Variants in YEATS2 observed in about 807,000 individuals in gnomAD.
The protein encoded by YEATS2 is YEATS domain-containing protein 2.
A neutral mutation model predicts 163.2 loss-of-function variants in YEATS2; 77 were observed. The observed-to-expected ratio is 0.47, with a 90% confidence interval of 0.39 to 0.57. YEATS2 has a LOEUF of 0.57. Among genes scored for constraint, YEATS2 ranks in the 20% least tolerant of loss-of-function variants. The pLI is 0.00. For synonymous variants in YEATS2, 631 were observed against 645.1 expected (o/e 0.98, Z 0.33); for missense variants, 1,549 against 1,729.8 (o/e 0.90, Z 1.85).
rs1176974770 is a variant in YEATS2 at position 183,796,148 on chromosome 3, A to ATTTTTTTTTT, written c.3098-1763_3098-1754dup. Among the ~76,000 whole-genome samples the ATTTTTTTTTT allele has an allele frequency of 1.7e-3, 163 of 96,034 alleles. 1 individual carries two copies. The highest frequency in any genetic ancestry group is 3.4e-3 in the African/African-American group (79 of 23,302). 63.0% of individuals were successfully genotyped at this position (96,034 alleles called of 152,430 possible). ...CAGGCACCTGCCACCATGCCCGGCT[A>ATTTTTTTTTT]TTTTTTTTTTTTTTTTTTTTTGTAT... On this transcript the variant is annotated intron_variant, in intron 21 of 30. Transcript: ENST00000305135.
At chr3:183,711,754 GTC>G (rs1475283219) in intron 1 of YEATS2, among the ~76,000 whole-genome samples, 1 of 151,808 alleles carries the variant, frequency 6.6e-6, no homozygotes, top group Non-Finnish European at 1.5e-5. Flanking sequence ...AGTCAAGTGA[GTC>G]TGTTTCTGAG....
intron 19 of YEATS2, among the ~76,000 whole-genome samples, chr3:183,785,464 G>C (rs1400086284): frequency 1.3e-5 from 2 of 150,276 alleles, no homozygotes; most frequent in Admixed American, 1.3e-4. Flanking sequence ...ACTCCAGCCT[G>C]GGCGACAGAG....
chr3:183,719,053 T>A (rs2109045286), intron 4 of YEATS2, among the ~76,000 whole-genome samples: 1 of 152,000 alleles, frequency 6.6e-6, no homozygotes, highest in South Asian at 2.1e-4. Context: ...TTCCTGGGAA[T>A]ATACATAGAC....
At chr3:183,738,190 A>G (rs929579814) in intron 8 of YEATS2, among the ~76,000 whole-genome samples, 2 of 151,098 alleles carry the variant, frequency 1.3e-5, no homozygotes, top group African/African-American at 4.9e-5. Context: ...CTCTGAGAAC[A>G]ACAATATTGA....
At chr3:183,742,331 A>G (rs910132519) in intron 8 of YEATS2, among the ~76,000 whole-genome samples, 1 of 152,270 alleles carries the variant, frequency 6.6e-6, no homozygotes, top group African/African-American at 2.4e-5. Flanking sequence ...GGAAAGGACT[A>G]ACCATTCTAG....
Position 183,803,329 on chromosome 3 carries a change from C to T in YEATS2, c.3576C>T (p.Ala1192=), listed in dbSNP as rs553821746. Residue 1192 remains alanine (A), a synonymous_variant, in exon 26 of 31, where the codon GCC becomes GCT. Transcript: ENST00000305135. ...YYGWNIGKRR[A]AEWQRAMTMR... ...GCTGGAACATTGGAAAAAGGAGAGCCGCTGAGGTAACCCACATCTGCCTGT... is the reference window on the plus strand; with the variant it reads ...GCTGGAACATTGGAAAAAGGAGAGCTGCTGAGGTAACCCACATCTGCCTGT... The T allele has an allele frequency of 3.0e-5, 49 of 1,610,374 alleles. No individual in the cohort carries two copies. The Middle Eastern group carries it at 1.0e-3, about 34-fold the overall frequency.
chr3:183,801,433 A>T, intron 24 of YEATS2, 22 bp from the exon 25 acceptor site: 7 of 1,580,522 alleles, frequency 4.4e-6, no homozygotes, highest in Non-Finnish European at 4.3e-6. Flanking sequence ...TTATTGCCTT[A>T]ATTTTTTTTT....
At chr3:183,717,819 C>T in intron 3 of YEATS2, 71 bp downstream of exon 3, 2 of 844,702 alleles carry the variant, frequency 2.4e-6, no homozygotes, top group South Asian at 3.0e-5. Flanking sequence ...GAAAAATAAT[C>T]TATTGAGATG....
At chr3:183,746,031 G>A (rs1176943703) in intron 8 of YEATS2, among the ~76,000 whole-genome samples, 1 of 152,006 alleles carries the variant, frequency 6.6e-6, no homozygotes, top group Non-Finnish European at 1.5e-5. Flanking sequence ...TTGAGGTCTC[G>A]CCATGTTGCC....
At chr3:183,727,277 C>A (rs1471075) in intron 6 of YEATS2, among the ~76,000 whole-genome samples, 4,219 of 152,164 alleles carry the variant, frequency 0.028, 184 homozygotes, top group African/African-American at 0.095. Context: ...GAAGACGTAA[C>A]TACAGATGCT....
chr3:183,797,598 T>C (rs1317229850), intron 21 of YEATS2, among the ~76,000 whole-genome samples: 3 of 149,420 alleles, frequency 2.0e-5, no homozygotes, highest in Non-Finnish European at 4.5e-5. Context: ...TGGTGGCTCA[T>C]GTCTGTAATC....
At chr3:183,798,111 A>G in intron 22 of YEATS2, 60 bp downstream of exon 22, 1 of 1,601,392 alleles carries the variant, frequency 6.2e-7, no homozygotes, top group Non-Finnish European at 8.5e-7. Context: ...CCCCGCATTT[A>G]CCAGGTGGTG....
chr3:183,786,374 C>T lies in YEATS2; in HGVS notation c.2913+73C>T, dbSNP rs887370106. 6.5e-5 allele frequency: 93 copies of T among 1,420,266 alleles called. No homozygotes were observed. In the African/African-American group the frequency reaches 1.1e-3, roughly 16 times the overall value. The allele number at this position is 1,420,266 out of a possible 1,614,324, so 88.0% of individuals were successfully genotyped here. On this transcript the variant is annotated intron_variant, in intron 20 of 30. Transcript: ENST00000305135. ...GTGTAGATACAAGGAAGGTGTCCAG[C>T]AGGCACACCAGTGGACCTTTTAAAA...
At chr3:183,708,991 C>T (rs1249339213) in intron 1 of YEATS2, among the ~76,000 whole-genome samples, 1 of 152,028 alleles carries the variant, frequency 6.6e-6, no homozygotes, top group Non-Finnish European at 1.5e-5. Context: ...GAAATCCCGT[C>T]TCTTCTAAAA....
intron 7 of YEATS2, among the ~76,000 whole-genome samples, chr3:183,732,745 A>G (rs1717932849): frequency 2.0e-5 from 3 of 151,764 alleles, no homozygotes. Context: ...TATTTTTAGT[A>G]GAGATGGGGT....
chr3:183,756,980 C>G (rs1194554688), intron 12 of YEATS2, among the ~76,000 whole-genome samples: 4 of 152,136 alleles, frequency 2.6e-5, no homozygotes, highest in Non-Finnish European at 5.9e-5. Flanking sequence ...GGAAGACTTA[C>G]GCTTTGGGGG....
At chr3:183,773,210 C>A (rs262964) in intron 16 of YEATS2, among the ~76,000 whole-genome samples, 63,914 of 152,028 alleles carry the variant, frequency 0.42, 14,164 homozygotes, top group East Asian at 0.65. Context: ...TAGGAGCACA[C>A]ATTTGCCCTA....
intron 19 of YEATS2, among the ~76,000 whole-genome samples, chr3:183,783,997 C>G (rs916111547): frequency 6.6e-6 from 1 of 152,116 alleles, no homozygotes; most frequent in Non-Finnish European, 1.5e-5. Context: ...CCTCGACCTC[C>G]TGGGCTCAAG....
At chr3:183,745,661 T>A (rs1468576042) in intron 8 of YEATS2, among the ~76,000 whole-genome samples, 1 of 152,158 alleles carries the variant, frequency 6.6e-6, no homozygotes, top group Non-Finnish European at 1.5e-5. Flanking sequence ...TACATAAAAT[T>A]TAAAGTTCCT....
Sources: allele counts gnomAD v4.1 joint callset (sites outside exome capture counted in the v4.1 genomes callset), GRCh38; gene constraint gnomAD v4.1.1; transcripts MANE v1.5; gene names NCBI Gene and HGNC (gene_info 2026-07-23, HGNC 2026-07-21).